Variants in RYR2 observed in about 807,000 individuals in gnomAD.
The protein encoded by RYR2 is cardiac muscle ryanodine receptor-calcium release channel.
Under a neutral mutation model 601.1 loss-of-function variants are expected in RYR2, and 227 were observed. The observed-to-expected ratio is 0.38, with a 90% CI of 0.34 to 0.42. The LOEUF is 0.42. RYR2 is among the 10% of genes least tolerant of loss of function. The probability of loss-of-function intolerance (pLI) is 1.00; values close to 1 mark genes in which losing one functional copy is unlikely to be tolerated. For missense variants in RYR2, 4,646 were observed against 6,156.5 expected, an observed-to-expected ratio of 0.75 and a Z score of 8.21; for synonymous variants, 2,223 against 2,175.1, an observed-to-expected ratio of 1.02 and a Z score of -0.61.
intron 10 of RYR2, among the ~76,000 whole-genome samples, chr1:237,403,776 C>G (rs1703606277): frequency 6.6e-6 from 1 of 151,950 alleles, no homozygotes; most frequent in Admixed American, 6.6e-5. Context: ...ACCAGATTCA[C>G]ATTAAGGAAA....
At chr1:237,182,497 T>C (rs1678889306) in intron 1 of RYR2, among the ~76,000 whole-genome samples, 1 of 152,178 alleles carries the variant, frequency 6.6e-6, no homozygotes, top group South Asian at 2.1e-4. Flanking sequence ...CTCTTATTTC[T>C]TACTCTCCTG....
intron 87 of RYR2, among the ~76,000 whole-genome samples, chr1:237,774,588 G>A (rs1411080191): frequency 1.3e-5 from 2 of 152,028 alleles, no homozygotes; most frequent in African/African-American, 4.8e-5. Context: ...ATTTCCAGAT[G>A]GAAACGTCAC....
intron 62 of RYR2, among the ~76,000 whole-genome samples, chr1:237,686,059 C>G (rs967087059): frequency 2.0e-5 from 3 of 152,200 alleles, no homozygotes; most frequent in Admixed American, 6.5e-5. Context: ...TCCCATCCTG[C>G]CACTGATCAG....
At chr1:237,500,554 G>GT (rs1464256102) in intron 20 of RYR2, among the ~76,000 whole-genome samples, 157 bp from the exon 21 acceptor site, 1 of 152,144 alleles carries the variant, frequency 6.6e-6, no homozygotes, top group Non-Finnish European at 1.5e-5. Flanking sequence ...TTGACAAAGA[G>GT]TTTAACATGT....
chr1:237,176,286 TA>T (rs1332329450), intron 1 of RYR2, among the ~76,000 whole-genome samples: 6 of 39,486 alleles, frequency 1.5e-4, no homozygotes, highest in South Asian at 7.9e-4. Flanking sequence ...TATATAAAAA[TA>T]ATATATAAAT....
intron 56 of RYR2, among the ~76,000 whole-genome samples, chr1:237,661,526 C>A (rs1442824508): frequency 6.6e-6 from 1 of 152,030 alleles, no homozygotes; most frequent in Non-Finnish European, 1.5e-5. Context: ...AAGAAGTAAC[C>A]AGTTGTAAGG....
rs142335908 is a variant in RYR2, at chr1:237,745,423, T to G, written c.11145+3074T>G. Among the ~76,000 whole-genome samples, 372 of 152,310 alleles carry G rather than the reference T, an allele frequency of 2.4e-3. 6 individuals are homozygous for G. Among genetic ancestry groups the G allele is most frequent in the Non-Finnish European group, 1.4e-3 (92 of 68,022 alleles). The stretch of plus-strand genomic sequence containing the variant: ...AACATTAAGTAAAGAACTGATTTCC[T>G]AAGTAGCATAAAAGTTAATGCCTCA... On this transcript the variant is annotated intron_variant, in intron 80 of 104. Coordinates refer to ENST00000366574, the MANE Select transcript of RYR2 (RefSeq NM_001035.3).
At chr1:237,630,302 T>C (rs1213071485) in intron 41 of RYR2, among the ~76,000 whole-genome samples, 1 of 152,174 alleles carries the variant, frequency 6.6e-6, no homozygotes, top group Non-Finnish European at 1.5e-5. Context: ...AGTTACTTCA[T>C]TCAAAGATTT....
At chr1:237,564,893 C>T (rs1219595647) in intron 27 of RYR2, among the ~76,000 whole-genome samples, 1 of 152,156 alleles carries the variant, frequency 6.6e-6, no homozygotes, top group East Asian at 1.9e-4. Flanking sequence ...ATGGTGTCTC[C>T]ACTGCTTTAC....
In RYR2 at chr1:237,614,812, A is replaced by C. The variant is rs1468884704; in HGVS notation, c.5684A>C (p.Gln1895Pro). ...GGKRPKEGLL[Q>P]MKLPEPVKLQ... ...AAGCGGCCCAAGGAAGGCCTGCTCC[A>C]AATGAAACTGCCAGAGCCAGTTAAA... Residue 1895 changes from glutamine (Q) to proline (P), a missense_variant, in exon 37 of 105, where the codon CAA becomes CCA. By Grantham distance (76) the Gln-to-Pro change is moderately conservative. This residue lies in a region of RYR2 where 1,807 missense variants were observed against 2,088.1 expected (regional missense o/e 0.87). Transcript: ENST00000366574. The surrounding 1 kb of genome is among the most constrained non-coding windows in gnomAD (Gnocchi z 4.3). The C allele has an allele frequency of 6.3e-7, 1 of 1,589,420 alleles. No individual in the cohort carries two copies. The highest frequency in any genetic ancestry group is 2.2e-5 in the East Asian group (1 of 44,658).
At chr1:237,800,612 A>AAAT (rs2149414093) in intron 97 of RYR2, among the ~76,000 whole-genome samples, 1 of 152,324 alleles carries the variant, frequency 6.6e-6, no homozygotes, top group South Asian at 2.1e-4. Context: ...ACCCTTTAGA[A>AAAT]AATAATATTG....
intron 1 of RYR2, among the ~76,000 whole-genome samples, chr1:237,201,380 G>A (rs771417144): frequency 6.6e-6 from 1 of 152,204 alleles, no homozygotes. Flanking sequence ...GGACAGATAT[G>A]TTGATTTGTA....
chr1:237,173,956 C>A (rs1323956359), intron 1 of RYR2, among the ~76,000 whole-genome samples: 1 of 152,020 alleles, frequency 6.6e-6, no homozygotes, highest in Non-Finnish European at 1.5e-5. Context: ...ACTCTGGAGG[C>A]TGAGGCAGGA....
At chr1:237,061,256 CT>C (rs1173163815) in intron 1 of RYR2, among the ~76,000 whole-genome samples, 161 of 132,364 alleles carry the variant, frequency 1.2e-3, no homozygotes, top group Middle Eastern at 4.0e-3. Context: ...TATCTATCAT[CT>C]ATCTATCTAT....
chr1:237,715,368 T>C (rs1251242480), intron 71 of RYR2, among the ~76,000 whole-genome samples: 1 of 152,218 alleles, frequency 6.6e-6, no homozygotes, highest in Non-Finnish European at 1.5e-5. Flanking sequence ...CTTATAGATT[T>C]AATTTCCTCA....
intron 2 of RYR2, among the ~76,000 whole-genome samples, chr1:237,309,687 CT>C (rs201633479): frequency 0.011 from 1,697 of 152,312 alleles, 28 homozygotes; most frequent in African/African-American, 0.038. Flanking sequence ...GGGGGCGGCG[CT>C]TGTCGGGGAG....
intron 62 of RYR2, among the ~76,000 whole-genome samples, chr1:237,684,107 A>G (rs545876439): frequency 6.8e-6 from 1 of 146,078 alleles, no homozygotes; most frequent in African/African-American, 2.5e-5. Flanking sequence ...TTTTTTTTTT[A>G]TTATTTTTAG....
intron 25 of RYR2, among the ~76,000 whole-genome samples, chr1:237,542,321 G>A (rs1261246821): frequency 2.0e-5 from 3 of 152,112 alleles, no homozygotes; most frequent in Admixed American, 6.5e-5. Context: ...TCAAACTCCC[G>A]ACCTTAGGTG....
At chr1:237,579,799 C>T (rs7513677) in intron 29 of RYR2, among the ~76,000 whole-genome samples, 45,382 of 151,906 alleles carry the variant, frequency 0.3, 7,253 homozygotes, top group East Asian at 0.61. Context: ...AAAGCTTGTT[C>T]TTAACTATCA....
Sources: gnomAD v4.1 joint callset for allele counts (sites outside exome capture counted in the v4.1 genomes callset) on GRCh38, gnomAD v4.1.1 for gene constraint, gnomAD v4.1.1 regional missense constraint, Gnocchi (gnomAD v3.1) non-coding constraint, MANE v1.5 for transcripts, NCBI Gene and HGNC (gene_info 2026-07-23, HGNC 2026-07-21) for gene names.